JAK2: variants seen among roughly 807,000 people sequenced by gnomAD.
The protein encoded by JAK2 is Janus kinase 2.
A neutral mutation model predicts 139.3 loss-of-function variants in JAK2; 86 were observed. The observed-to-expected ratio is 0.62, with a 90% CI of 0.52 to 0.74. JAK2 has a LOEUF of 0.74. Among genes scored for constraint, JAK2 ranks in the 30% least tolerant of loss-of-function variants. The pLI is 0.00. For missense variants in JAK2, 1,421 were observed against 1,360.3 expected (o/e 1.04, Z -0.70); for synonymous variants, 490 against 437.7 (o/e 1.12, Z -1.49).
chr9:5,126,816 C>G lies in JAK2; in HGVS notation c.*25C>G, dbSNP rs1171920976. ...AAAGAAATGACCTTCATTCTGAGACCAAAGTAGATTTACAGAACAAAGTTT... is the reference window on the plus strand; with the variant it reads ...AAAGAAATGACCTTCATTCTGAGACGAAAGTAGATTTACAGAACAAAGTTT... On this transcript the variant is annotated 3_prime_UTR_variant, in exon 25 of 25. Transcript: ENST00000381652. 2 of 1,418,374 alleles carry G rather than the reference C, an allele frequency of 1.4e-6. No homozygotes were observed. Among genetic ancestry groups the G allele is most frequent in the South Asian group, 2.3e-5 (2 of 85,220 alleles). 87.9% of individuals were successfully genotyped at this position (1,418,374 alleles called of 1,614,324 possible). A position where few individuals can be genotyped will look rare whatever the true frequency, so the allele number is the denominator to read the frequency against.
chr9:5,114,916 A>G, intron 22 of JAK2: 1 of 186,834 alleles, frequency 5.4e-6, no homozygotes, highest in Non-Finnish European at 1.1e-5. Flanking sequence ...ACCCCCAATA[A>G]ACAGTGCCTG....
intron 3 of JAK2, among the ~76,000 whole-genome samples, chr9:5,026,728 C>A (rs750827617): frequency 1.3e-5 from 2 of 151,998 alleles, no homozygotes; most frequent in African/African-American, 2.4e-5. Context: ...TACGTGTATG[C>A]GTATGTGTGA....
chr9:5,004,391 C>G (rs908375598), intron 2 of JAK2, among the ~76,000 whole-genome samples: 2 of 152,082 alleles, frequency 1.3e-5, no homozygotes, highest in African/African-American at 2.4e-5. Context: ...ACAGTTTTGT[C>G]TTTCTGTGCC....
intron 19 of JAK2, chr9:5,085,965 C>A (rs565481731): frequency 1.8e-6 from 2 of 1,100,528 alleles, no homozygotes; most frequent in African/African-American, 3.1e-5. Flanking sequence ...GTATTTCTCA[C>A]CACTGTGTGT....
rs181468725 is a variant in JAK2 at position 5,018,660 on chromosome 9, A to G, written c.-25-3303A>G. 3.6e-4 allele frequency among the ~76,000 whole-genome samples: 55 copies of G among 152,244 alleles called. No individual in the cohort carries two copies. In the East Asian group the frequency reaches 8.7e-3, roughly 24 times the overall value. ...GGCCTGACATTGTTCTTTGACTTCC[A>G]TATGTAGAACTCCCTCAAGCATTTC... On this transcript the variant is annotated intron_variant, in intron 2 of 24. Coordinates refer to ENST00000381652, the MANE Select transcript of JAK2 (RefSeq NM_004972.4).
At chr9:5,031,318 T>C (rs1823129415) in intron 4 of JAK2, among the ~76,000 whole-genome samples, 1 of 152,174 alleles carries the variant, frequency 6.6e-6, no homozygotes, top group African/African-American at 2.4e-5. Flanking sequence ...TATATGAAAC[T>C]ACAAAATGGT....
intron 2 of JAK2, among the ~76,000 whole-genome samples, chr9:4,996,928 C>CTTTTTTTTTTTTTTTTTTTTTTTTT (rs1166992356): frequency 1.1e-5 from 1 of 94,708 alleles, no homozygotes; most frequent in Non-Finnish European, 2.0e-5. Context: ...TTAGTTTGTT[C>CTTTTTTTTTTTTTTTTTTTTTTTTT]TTTTTTTTTT....
At chr9:5,007,843 T>A (rs1165923087) in intron 2 of JAK2, among the ~76,000 whole-genome samples, 1 of 151,972 alleles carries the variant, frequency 6.6e-6, no homozygotes, top group African/African-American at 2.4e-5. Flanking sequence ...TTCTCCTATC[T>A]CAGCCTCCCA....
intron 6 of JAK2, among the ~76,000 whole-genome samples, 193 bp downstream of exon 6, chr9:5,051,024 AC>A (rs1173061554): frequency 6.6e-6 from 1 of 152,182 alleles, no homozygotes; most frequent in African/African-American, 2.4e-5. Flanking sequence ...CATTGAACTT[AC>A]CAGTTGAGCA....
chr9:5,050,160 A>G (rs1412420794), intron 5 of JAK2, among the ~76,000 whole-genome samples: 1 of 152,228 alleles, frequency 6.6e-6, no homozygotes, highest in African/African-American at 2.4e-5. Flanking sequence ...AGATATATTT[A>G]ATGAAATAGG....
chr9:5,115,198 GAACTT>G (rs1823039806), intron 22 of JAK2, among the ~76,000 whole-genome samples: 1 of 151,962 alleles, frequency 6.6e-6, no homozygotes, highest in Admixed American at 6.6e-5. Flanking sequence ...AATCTACAAA[GAACTT>G]AAACAAGTTC....
intron 2 of JAK2, among the ~76,000 whole-genome samples, chr9:5,011,133 C>T (rs775110690): frequency 1.5e-4 from 23 of 152,198 alleles, no homozygotes; most frequent in Admixed American, 2.6e-4. Flanking sequence ...CTTTTTGGAT[C>T]GGTGGTTTGA....
chr9:5,125,561 AT>A (rs931265832), intron 23 of JAK2, among the ~76,000 whole-genome samples: 1 of 151,628 alleles, frequency 6.6e-6, no homozygotes, highest in East Asian at 1.9e-4. Flanking sequence ...CTATTTTAAA[AT>A]TTTTTTAATT....
intron 22 of JAK2, among the ~76,000 whole-genome samples, chr9:5,116,064 T>A (rs55787634): frequency 0.28 from 42,392 of 150,130 alleles, 6,251 homozygotes; most frequent in African/African-American, 0.39. Context: ...TAATAAAATT[T>A]AAAAAAAAAA....
At chr9:5,081,268 T>TG (rs1391993891) in intron 18 of JAK2, among the ~76,000 whole-genome samples, 3 of 152,036 alleles carry the variant, frequency 2.0e-5, no homozygotes, top group Non-Finnish European at 2.9e-5. Context: ...TATTTTTTTT[T>TG]TGCTTAAATT....
At chr9:5,035,689 G>T (rs1471098432) in intron 4 of JAK2, among the ~76,000 whole-genome samples, 1 of 152,198 alleles carries the variant, frequency 6.6e-6, no homozygotes, top group Non-Finnish European at 1.5e-5. Context: ...AACCCTTCAT[G>T]CTAAAAACTC....
rs1239163463 is a variant in JAK2 at position 5,123,025 on chromosome 9, A to C, written c.3081A>C (p.Thr1027=). ...ACAGGTATGCTCCAGAATCACTGACAGAGAGCAAGTTTTCTGTGGCCTCAG... is the reference window on the plus strand; with the variant it reads ...ACAGGTATGCTCCAGAATCACTGACCGAGAGCAAGTTTTCTGTGGCCTCAG... The part of the protein sequence containing the change: ...PIFWYAPESL[T]ESKFSVASDV... The change falls in exon 23 of 25, where the codon ACA becomes ACC. Residue 1027 remains threonine (T), a synonymous_variant. Transcript: ENST00000381652. 2.5e-6 allele frequency: 4 copies of C among 1,610,902 alleles called. No individual in the cohort carries two copies. The Admixed American group carries it at 6.7e-5, about 27-fold the overall frequency.
At chr9:5,076,009 G>C (rs1158303389) in intron 14 of JAK2, among the ~76,000 whole-genome samples, 1 of 152,150 alleles carries the variant, frequency 6.6e-6, no homozygotes, top group Non-Finnish European at 1.5e-5. Context: ...TTTAATGAAG[G>C]AAGTCACTGC....
intron 19 of JAK2, 101 bp downstream of exon 19, chr9:5,081,962 C>A: frequency 1.0e-6 from 1 of 966,410 alleles, no homozygotes; most frequent in Non-Finnish European, 1.6e-6. Context: ...TTAAGGAGTG[C>A]TTGTAGAAAA....
Sources: allele counts gnomAD v4.1 joint callset (sites outside exome capture counted in the v4.1 genomes callset), GRCh38; gene constraint gnomAD v4.1.1; transcripts MANE v1.5; gene names NCBI Gene and HGNC (gene_info 2026-07-23, HGNC 2026-07-21).